UNC5D: variants seen among roughly 807,000 people sequenced by gnomAD.
UNC5D encodes netrin receptor UNC5D.
Under a neutral mutation model 105.4 loss-of-function variants are expected in UNC5D, and 39 were observed. The observed-to-expected ratio is 0.37, with a 90% CI of 0.29 to 0.48. The LOEUF is 0.48. Ranked by LOEUF, UNC5D falls within the 20% of genes least tolerant of loss-of-function variation. The pLI is 0.98. For synonymous variants in UNC5D, 452 were observed against 450.4 expected, an observed-to-expected ratio of 1.00 and a Z score of -0.04; for missense variants, 991 against 1,202.4, an observed-to-expected ratio of 0.82 and a Z score of 2.60.
At chr8:35,613,956 C>T (rs1820856169) in intron 4 of UNC5D, among the ~76,000 whole-genome samples, 1 of 152,214 alleles carries the variant, frequency 6.6e-6, no homozygotes, top group East Asian at 1.9e-4. Context: ...CAAAGCAAGT[C>T]ACTCTGAGCT....
At chr8:35,239,072 C>T (rs1400229397) in intron 1 of UNC5D, among the ~76,000 whole-genome samples, 5 of 152,060 alleles carry the variant, frequency 3.3e-5, no homozygotes, top group South Asian at 2.1e-4. Flanking sequence ...TTTGAGCAGC[C>T]CAGTGGCACC....
intron 3 of UNC5D, among the ~76,000 whole-genome samples, chr8:35,571,387 C>T (rs528716159): frequency 9.2e-5 from 14 of 152,280 alleles, no homozygotes; most frequent in African/African-American, 2.9e-4. Context: ...TACTTAGTTT[C>T]TTCTCATGTA....
In UNC5D at chr8:35,709,968, T is replaced by TTATA. The variant is rs762665230; in HGVS notation, c.1117+4008_1117+4011dup. 3.9e-5 allele frequency among the ~76,000 whole-genome samples: 6 copies of TTATA among 152,296 alleles called. No homozygotes were observed. The East Asian group carries it at 7.7e-4, about 20-fold the overall frequency. On this transcript the variant is annotated intron_variant, in intron 8 of 16. Coordinates refer to ENST00000404895, the MANE Select transcript of UNC5D (RefSeq NM_080872.4). ...TTTGTTTTGTTATAGTTTGAGTTTGTTATAGGTCACTGTAAGGACTTTGAC... is the reference window on the plus strand; with the variant it reads ...TTTGTTTTGTTATAGTTTGAGTTTGTTATATATAGGTCACTGTAAGGACTTTGAC...
At chr8:35,404,771 G>T (rs1226775994) in intron 1 of UNC5D, among the ~76,000 whole-genome samples, 1 of 152,034 alleles carries the variant, frequency 6.6e-6, no homozygotes, top group Non-Finnish European at 1.5e-5. Flanking sequence ...TGTATTTTTA[G>T]TAGAGATGGG....
At chr8:35,564,335 G>A (rs925983487) in intron 2 of UNC5D, among the ~76,000 whole-genome samples, 2 of 151,996 alleles carry the variant, frequency 1.3e-5, no homozygotes, top group Non-Finnish European at 2.9e-5. Context: ...TCAAAGTGTG[G>A]GTGTATTCTG....
intron 1 of UNC5D, among the ~76,000 whole-genome samples, chr8:35,396,235 A>G (rs1277194292): frequency 1.2e-4 from 19 of 152,096 alleles, no homozygotes. Context: ...AGTCACCAGG[A>G]GCACTCATAG....
chr8:35,253,273 A>G (rs1803834799), intron 1 of UNC5D, among the ~76,000 whole-genome samples: 1 of 152,032 alleles, frequency 6.6e-6, no homozygotes, highest in South Asian at 2.1e-4. Context: ...TTTAATTTCA[A>G]TGTAATCAGT....
chr8:35,266,734 C>T (rs928628105), intron 1 of UNC5D, among the ~76,000 whole-genome samples: 1 of 152,138 alleles, frequency 6.6e-6, no homozygotes, highest in African/African-American at 2.4e-5. Flanking sequence ...GGGCTGGAAT[C>T]AAATGCAAGT....
At chr8:35,558,126 CAAAA>C (rs34368244) in intron 2 of UNC5D, among the ~76,000 whole-genome samples, 2 of 84,210 alleles carry the variant, frequency 2.4e-5, no homozygotes, top group Non-Finnish European at 2.5e-5. Flanking sequence ...AACTTCGTCT[CAAAA>C]AAAAAAAAAA....
At chr8:35,259,272 G>T (rs1455378362) in intron 1 of UNC5D, among the ~76,000 whole-genome samples, 1 of 152,174 alleles carries the variant, frequency 6.6e-6, no homozygotes, top group Non-Finnish European at 1.5e-5. Context: ...TTCAGAGAAG[G>T]GAGAGGAGGT....
At chr8:35,731,290 A>G (rs1243666237) in intron 11 of UNC5D, among the ~76,000 whole-genome samples, 194 bp downstream of exon 11, 1 of 150,314 alleles carries the variant, frequency 6.7e-6, no homozygotes, top group Non-Finnish European at 1.5e-5. Flanking sequence ...AATCCCAGCT[A>G]CTCAGGAGGC....
chr8:35,738,092 G>T (rs1229186487), intron 11 of UNC5D, among the ~76,000 whole-genome samples: 3 of 151,836 alleles, frequency 2.0e-5, no homozygotes, highest in Non-Finnish European at 4.4e-5. Flanking sequence ...GGCAACAAGA[G>T]TGAAACTGTC....
At chr8:35,353,724 G>GA (rs1378583808) in intron 1 of UNC5D, among the ~76,000 whole-genome samples, 2 of 151,902 alleles carry the variant, frequency 1.3e-5, no homozygotes, top group Admixed American at 6.6e-5. Context: ...CATTAATATT[G>GA]AAAAAAATCC....
intron 1 of UNC5D, among the ~76,000 whole-genome samples, chr8:35,365,371 C>T (rs1263699081): frequency 2.0e-5 from 3 of 151,896 alleles, no homozygotes; most frequent in Admixed American, 2.0e-4. Context: ...GGCTATGTAG[C>T]TGTCACAGAG....
chr8:35,496,328 T>A (rs1337965111), intron 1 of UNC5D, among the ~76,000 whole-genome samples: 1 of 152,152 alleles, frequency 6.6e-6, no homozygotes, highest in African/African-American at 2.4e-5. Flanking sequence ...ATCTAAGGAC[T>A]TTTGGAAGCC....
chr8:35,293,796 A>G (rs1210279859), intron 1 of UNC5D, among the ~76,000 whole-genome samples: 1 of 152,146 alleles, frequency 6.6e-6, no homozygotes, highest in Non-Finnish European at 1.5e-5. Flanking sequence ...ATGTCCTCTC[A>G]ATTGGGGCTC....
At chr8:35,594,180 A>G (rs1351977517) in intron 3 of UNC5D, among the ~76,000 whole-genome samples, 1 of 152,172 alleles carries the variant, frequency 6.6e-6, no homozygotes, top group African/African-American at 2.4e-5. Context: ...TTTGCCTTAT[A>G]TATACTCATG....
chr8:35,430,884 A>T (rs1034240918), intron 1 of UNC5D, among the ~76,000 whole-genome samples: 4 of 152,192 alleles, frequency 2.6e-5, no homozygotes, highest in African/African-American at 9.6e-5. Flanking sequence ...CACCTTGGTG[A>T]CAAATACTAA....
At chr8:35,248,041 A>G (rs1302795572) in intron 1 of UNC5D, among the ~76,000 whole-genome samples, 5 of 60,662 alleles carry the variant, frequency 8.2e-5, no homozygotes, top group Non-Finnish European at 1.3e-4. Context: ...TATTATATAT[A>G]AAATATATAT....
Sources: gnomAD v4.1 joint callset for allele counts (sites outside exome capture counted in the v4.1 genomes callset) on GRCh38, gnomAD v4.1.1 for gene constraint, MANE v1.5 for transcripts, NCBI Gene and HGNC (gene_info 2026-07-23, HGNC 2026-07-21) for gene names.